Variants in NRXN3 observed in about 807,000 individuals in gnomAD.
NRXN3 encodes the protein neurexin III.
Under a neutral mutation model 137.6 loss-of-function variants are expected in NRXN3, and 32 were observed. The observed-to-expected ratio is 0.23, with a 90% CI of 0.18 to 0.31. The LOEUF is 0.31. Among genes scored for constraint, NRXN3 ranks in the 10% least tolerant of loss-of-function variants. NRXN3 has a pLI of 1.00. For synonymous variants in NRXN3, 798 were observed against 784.5 expected (o/e 1.02, Z -0.29); for missense variants, 1,574 against 2,062.5 (o/e 0.76, Z 4.59).
intron 19 of NRXN3, among the ~76,000 whole-genome samples, chr14:79,714,167 C>T (rs1164919559): frequency 6.6e-6 from 1 of 151,976 alleles, no homozygotes; most frequent in Non-Finnish European, 1.5e-5. Flanking sequence ...AAAAGAATGC[C>T]GAATTAATGT....
chr14:78,346,165 C>T (rs1237179981), intron 4 of NRXN3, among the ~76,000 whole-genome samples: 1 of 152,150 alleles, frequency 6.6e-6, no homozygotes, highest in African/African-American at 2.4e-5. Flanking sequence ...CATGATTCTC[C>T]CAGCAACCAG....
intron 15 of NRXN3, among the ~76,000 whole-genome samples, chr14:79,110,773 T>TATTTATTG (rs2053344593): frequency 6.8e-6 from 1 of 146,504 alleles, no homozygotes; most frequent in Admixed American, 6.8e-5. Context: ...TTTATTTATT[T>TATTTATTG]ATTTATTTAT....
intron 8 of NRXN3, among the ~76,000 whole-genome samples, chr14:78,774,846 C>T (rs2153006890): frequency 6.6e-6 from 1 of 152,110 alleles, no homozygotes; most frequent in Middle Eastern, 3.4e-3. Flanking sequence ...ATTGCTTGAG[C>T]CAAGGGTTTG....
At chr14:79,258,244 C>T (rs574269379) in intron 15 of NRXN3, among the ~76,000 whole-genome samples, 4 of 152,156 alleles carry the variant, frequency 2.6e-5, no homozygotes, top group Non-Finnish European at 5.9e-5. Context: ...GTCACCCAGG[C>T]TGGGATGCAA....
At chr14:79,613,417 C>T (rs971874481) in intron 16 of NRXN3, among the ~76,000 whole-genome samples, 1 of 152,218 alleles carries the variant, frequency 6.6e-6, no homozygotes, top group Non-Finnish European at 1.5e-5. Context: ...CAAGCTGCCT[C>T]TCTCCTGTCT....
At chr14:78,677,673 T>A (rs2098023354) in intron 6 of NRXN3, among the ~76,000 whole-genome samples, 1 of 152,168 alleles carries the variant, frequency 6.6e-6, no homozygotes, top group Non-Finnish European at 1.5e-5. Context: ...TCCAATTTTG[T>A]AAGAAGTTCA....
intron 4 of NRXN3, among the ~76,000 whole-genome samples, chr14:78,318,774 G>A (rs776109065): frequency 2.0e-5 from 3 of 152,186 alleles, no homozygotes; most frequent in Non-Finnish European, 2.9e-5. Flanking sequence ...CAACTGGAAG[G>A]ATGTGGTTAT....
chr14:79,502,767 G>A (rs961376394), intron 16 of NRXN3, among the ~76,000 whole-genome samples: 7 of 151,862 alleles, frequency 4.6e-5, no homozygotes, highest in African/African-American at 1.7e-4. Context: ...TAGCATGCTG[G>A]TTCTCAGACC....
At chr14:79,631,885 CTG>C (rs2098354646) in intron 16 of NRXN3, among the ~76,000 whole-genome samples, 2 of 152,132 alleles carry the variant, frequency 1.3e-5, no homozygotes, top group African/African-American at 4.8e-5. Context: ...AATCAGCACT[CTG>C]TGTCTAGCTA....
chr14:79,642,218 TAATC>T (rs1381332316), intron 16 of NRXN3, among the ~76,000 whole-genome samples: 1 of 135,486 alleles, frequency 7.4e-6, no homozygotes, highest in Non-Finnish European at 1.7e-5. Context: ...ACTCTTCTAT[TAATC>T]AATCAAGAGC....
At chr14:79,148,957 C>T (rs1438295030) in intron 15 of NRXN3, among the ~76,000 whole-genome samples, 1 of 152,046 alleles carries the variant, frequency 6.6e-6, no homozygotes, top group Non-Finnish European at 1.5e-5. Context: ...AGTACAGAAG[C>T]TATTACCTTA....
In NRXN3 at chr14:78,263,516, G is replaced by A. The variant is rs180864739; in HGVS notation, c.710-15129G>A. On this transcript the variant is annotated intron_variant, in intron 2 of 20. Coordinates refer to ENST00000335750, the MANE Select transcript of NRXN3 (RefSeq NM_001330195.2). ...AGTATTTTTCAGAAGCAAACAGTAC[G>A]GGGGTCATATAATTCCTCGATTCAT... Among the ~76,000 whole-genome samples, 53 of 152,234 alleles carry A rather than the reference G, an allele frequency of 3.5e-4. 1 individual carries two copies. Among genetic ancestry groups the A allele is most frequent in the Admixed American group, 2.6e-3 (40 of 15,272 alleles).
chr14:78,520,582 G>A (rs1171514587), intron 4 of NRXN3, among the ~76,000 whole-genome samples: 1 of 152,142 alleles, frequency 6.6e-6, no homozygotes. Flanking sequence ...GAAATTAAAA[G>A]TTCAAATCAG....
At chr14:79,371,780 A>G (rs1365633842) in intron 15 of NRXN3, among the ~76,000 whole-genome samples, 2 of 152,122 alleles carry the variant, frequency 1.3e-5, no homozygotes, top group African/African-American at 4.8e-5. Flanking sequence ...GGTACTGCCC[A>G]TTTTATTTGA....
chr14:79,288,968 T>C (rs901838128), intron 15 of NRXN3, among the ~76,000 whole-genome samples: 1 of 152,082 alleles, frequency 6.6e-6, no homozygotes, highest in Admixed American at 6.6e-5. Context: ...TCTCTTGCAC[T>C]AGGAAAGGAG....
At position 79,610,214 on chromosome 14, in the gene NRXN3, T is replaced by TAAAGAA. The variant is rs143133781; in HGVS notation, c.3445-53560_3445-53555dup. Among the ~76,000 whole-genome samples the TAAAGAA allele has an allele frequency of 4.0e-3, 606 of 152,040 alleles. 8 individuals are homozygous for TAAAGAA. Among genetic ancestry groups the TAAAGAA allele is most frequent in the African/African-American group, 0.014 (568 of 41,474 alleles). On this transcript the variant is annotated intron_variant, in intron 16 of 20. Coordinates refer to ENST00000335750, the MANE Select transcript of NRXN3 (RefSeq NM_001330195.2). ...AGAGGAAGGAAAAATCAAAACAAAATAAAGAAAAAACAAAGCAGACAGTAG... is the reference window on the plus strand; with the variant it reads ...AGAGGAAGGAAAAATCAAAACAAAATAAAGAAAAAGAAAAAACAAAGCAGACAGTAG...
chr14:79,052,107 GT>G (rs2099642867), intron 15 of NRXN3, among the ~76,000 whole-genome samples: 2 of 152,078 alleles, frequency 1.3e-5, no homozygotes, highest in African/African-American at 4.8e-5. Context: ...TCCATTTTAA[GT>G]TTGAAGAAAA....
rs117142351 is a variant in NRXN3, at chr14:79,483,602, A to G, written c.3444+16200A>G. ...CTGAGCTCCAGTGACTCTCTGCAAG[A>G]GAAAAGCTGATATTGTCACATTGTG... On this transcript the variant is annotated intron_variant, in intron 16 of 20. Transcript: ENST00000335750. Among the ~76,000 whole-genome samples, 315 of 152,340 alleles carry G rather than the reference A, an allele frequency of 2.1e-3. 3 individuals are homozygous for G. The highest frequency in any genetic ancestry group is 0.015 in the Admixed American group (225 of 15,306).
chr14:78,393,424 C>T (rs1039216008), intron 4 of NRXN3, among the ~76,000 whole-genome samples: 31 of 151,992 alleles, frequency 2.0e-4, no homozygotes, highest in Non-Finnish European at 3.7e-4. Flanking sequence ...TATAGCCATA[C>T]TAACTTCCCG....
Sources: gnomAD v4.1 joint callset for allele counts (sites outside exome capture counted in the v4.1 genomes callset) on GRCh38, gnomAD v4.1.1 for gene constraint, MANE v1.5 for transcripts, NCBI Gene and HGNC (gene_info 2026-07-23, HGNC 2026-07-21) for gene names.